KIAA0586: variants seen among roughly 807,000 people sequenced by gnomAD.
KIAA0586 encodes protein TALPID3.
Under a neutral mutation model 169.8 loss-of-function variants are expected in KIAA0586, and 144 were observed. The observed-to-expected ratio is 0.85, with a 90% CI of 0.74 to 0.97. The LOEUF (loss-of-function observed/expected upper bound fraction) is 0.97. Ranked by LOEUF, KIAA0586 falls within the 50% of genes least tolerant of loss-of-function variation. The pLI, the probability that KIAA0586 is intolerant of heterozygous loss-of-function variation, is 0.00. For synonymous variants in KIAA0586, 625 were observed against 612.4 expected (o/e 1.02, Z -0.30); for missense variants, 1,854 against 1,823.0 (o/e 1.02, Z -0.31).
chr14:58,540,114 G>A lies in KIAA0586; in HGVS notation c.4473G>A (p.Pro1491=), dbSNP rs768806838. Residue 1491 remains proline, a synonymous_variant, in exon 30 of 31, where the codon CCG becomes CCA. Coordinates refer to ENST00000652326, the MANE Select transcript of KIAA0586 (RefSeq NM_001329943.3). ...ATCGGACACAAATTGAGCTTAATCC[G>A]TACCTCACATGTGTATTTTCAGGTA... ...DMDRTQIELN[P]YLTCVFSGGK... 5.2e-5 allele frequency: 81 copies of A among 1,557,334 alleles called. No homozygotes were observed. The East Asian group carries it at 1.2e-3, about 22-fold the overall frequency.
chr14:58,484,896 A>ATATATT (rs1555391491), intron 21 of KIAA0586, among the ~76,000 whole-genome samples: 1 of 5,080 alleles, frequency 2.0e-4, no homozygotes, highest in Non-Finnish European at 3.7e-4. Context: ...ATATTTATAT[A>ATATATT]TATATATATA....
At chr14:58,468,549 A>G (rs543744799) in intron 16 of KIAA0586, among the ~76,000 whole-genome samples, 15 of 152,334 alleles carry the variant, frequency 9.8e-5, no homozygotes, top group African/African-American at 3.4e-4. Flanking sequence ...CAAACTTTAC[A>G]CTAACATATG....
intron 18 of KIAA0586, 114 bp downstream of exon 18, chr14:58,472,393 AC>A (rs1333492476): frequency 2.1e-6 from 1 of 481,598 alleles, no homozygotes; most frequent in African/African-American, 2.0e-5. Flanking sequence ...ACTTTCTTTT[AC>A]TTTTGAGTTA....
intron 22 of KIAA0586, 140 bp downstream of exon 22, chr14:58,487,306 T>A: frequency 1.3e-6 from 1 of 755,490 alleles, no homozygotes; most frequent in Non-Finnish European, 2.1e-6. Flanking sequence ...TGCGACTTCT[T>A]AAAAGTCTAT....
chr14:58,479,268 A>G (rs558934309), intron 20 of KIAA0586, among the ~76,000 whole-genome samples: 26 of 152,320 alleles, frequency 1.7e-4, no homozygotes, highest in Non-Finnish European at 2.8e-4. Context: ...TGAGTAGTAT[A>G]ATTATTAATG....
chr14:58,457,612 G>A, intron 10 of KIAA0586, 147 bp from the exon 11 acceptor site: 1 of 583,276 alleles, frequency 1.7e-6, no homozygotes, highest in East Asian at 2.9e-5. Context: ...TGATTGCCAA[G>A]TATTCTTTTG....
intron 14 of KIAA0586, among the ~76,000 whole-genome samples, chr14:58,461,933 A>G (rs2040356263): frequency 1.3e-5 from 2 of 152,168 alleles, no homozygotes; most frequent in African/African-American, 4.8e-5. Flanking sequence ...ACTTTTGGTT[A>G]TATACTGAGT....
chr14:58,525,799 A>C (rs2045544332), intron 29 of KIAA0586, among the ~76,000 whole-genome samples: 1 of 152,338 alleles, frequency 6.6e-6, no homozygotes, highest in South Asian at 2.1e-4. Context: ...CCAGCAAGGT[A>C]AAGATCCACT....
chr14:58,442,920 A>G (rs2038526490), intron 5 of KIAA0586, 40 bp downstream of exon 5: 1 of 1,428,616 alleles, frequency 7.0e-7, no homozygotes, highest in African/African-American at 1.4e-5. Context: ...TACTTTGTGA[A>G]ATATAGAAGT....
In KIAA0586 at chr14:58,458,568, AAATT is replaced by A. The variant is rs1458298115; in HGVS notation, c.1656+26_1656+29del. ...CAGGTATGTCTTGGAAAAAAACTGAAAATTAAGTGAATTCTCAGAAGATAATATT... is the reference window on the plus strand; with the variant it reads ...CAGGTATGTCTTGGAAAAAAACTGAAAAGTGAATTCTCAGAAGATAATATT... On this transcript the variant is annotated intron_variant, in intron 12 of 30. Transcript: ENST00000652326. 3.1e-6 allele frequency: 4 copies of A among 1,305,348 alleles called. No homozygotes were observed. The Admixed American group carries it at 6.7e-5, about 22-fold the overall frequency. The allele number at this position is 1,305,348 out of a possible 1,614,324, so 80.9% of individuals were successfully genotyped here.
chr14:58,461,394 G>A (rs951999636), intron 14 of KIAA0586, among the ~76,000 whole-genome samples: 1 of 151,938 alleles, frequency 6.6e-6, no homozygotes, highest in Non-Finnish European at 1.5e-5. Context: ...GGCATCTTCA[G>A]ATAAAGCATC....
chr14:58,517,497 A>G (rs190108290), intron 29 of KIAA0586, among the ~76,000 whole-genome samples: 20 of 152,338 alleles, frequency 1.3e-4, no homozygotes, highest in Admixed American at 3.3e-4. Context: ...ATATAGATCA[A>G]TTCTAATTCT....
chr14:58,560,762 C>T, the KIAA0586 span, among the ~76,000 whole-genome samples: 8 of 152,232 alleles, frequency 5.3e-5, no homozygotes, highest in Middle Eastern at 3.4e-3. Context: ...CCAGAGGTAC[C>T]GTTCTAAAGT....
At position 58,469,521 on chromosome 14, in the gene KIAA0586, C is replaced by T. The variant is rs149071107; in HGVS notation, c.2443-1092C>T. 1.1e-4 allele frequency among the ~76,000 whole-genome samples: 16 copies of T among 152,208 alleles called. 1 individual carries two copies. The highest frequency in any genetic ancestry group is 2.1e-4 in the Non-Finnish European group (14 of 67,996). ...ACAGCTCCCTGAGCCAAGTACAAAC[C>T]CGGTCAATGTGTATTGAACGAATGA... On this transcript the variant is annotated intron_variant, in intron 16 of 30. Transcript: ENST00000652326.
At chr14:58,461,242 T>G in intron 14 of KIAA0586, 82 bp downstream of exon 14, 1 of 968,496 alleles carries the variant, frequency 1.0e-6, no homozygotes, top group Admixed American at 3.6e-5. Context: ...TGCTTTTTAT[T>G]TATTGCTTAT....
chr14:58,445,866 T>C (rs2038853502), intron 6 of KIAA0586, among the ~76,000 whole-genome samples: 1 of 150,858 alleles, frequency 6.6e-6, no homozygotes, highest in African/African-American at 2.4e-5. Context: ...TTTTCTAATA[T>C]GAAATTTATT....
rs1053592750 is a variant in KIAA0586, at chr14:58,549,566, T to C, written c.*1634T>C. On this transcript the variant is annotated 3_prime_UTR_variant, in exon 31 of 31. Coordinates refer to ENST00000652326, the MANE Select transcript of KIAA0586 (RefSeq NM_001329943.3). ...TCTCAGGTATTTGGTTACTGGAATGTTTTAGGTTTCACTTTAGAACCCGTT... is the reference window on the plus strand; with the variant it reads ...TCTCAGGTATTTGGTTACTGGAATGCTTTAGGTTTCACTTTAGAACCCGTT... 9.9e-5 allele frequency: 15 copies of C among 152,184 alleles called. No homozygotes were observed. Among genetic ancestry groups the C allele is most frequent in the African/African-American group, 3.6e-4 (15 of 41,430 alleles). 9.4% of individuals were successfully genotyped at this position (152,184 alleles called of 1,614,324 possible). A position where few individuals can be genotyped will look rare whatever the true frequency, so the allele number is the denominator to read the frequency against.
Position 58,490,100 on chromosome 14 carries a change from G to C in KIAA0586, c.3782-64G>C, listed in dbSNP as rs1006598090. ...GAATCTAATATGCTATGGCTTTATGGTCAGATTATTTACTAAGTTTGTGTT... is the reference window on the plus strand; with the variant it reads ...GAATCTAATATGCTATGGCTTTATGCTCAGATTATTTACTAAGTTTGTGTT... On this transcript the variant is annotated intron_variant, in intron 24 of 30. Transcript: ENST00000652326. 8 of 769,736 alleles carry C rather than the reference G, an allele frequency of 1.0e-5. No individual in the cohort carries two copies. The African/African-American group carries it at 1.5e-4, about 14-fold the overall frequency. 47.7% of individuals were successfully genotyped at this position (769,736 alleles called of 1,614,324 possible).
chr14:58,551,678 A>C (rs35332690), downstream of KIAA0586, among the ~76,000 whole-genome samples: 1,603 of 152,236 alleles, frequency 0.011, 31 homozygotes, highest in African/African-American at 0.037. Flanking sequence ...AGACAGGAGA[A>C]TTGCTTGAAC....
Sources: allele counts gnomAD v4.1 joint callset (sites outside exome capture counted in the v4.1 genomes callset), GRCh38; gene constraint gnomAD v4.1.1; transcripts MANE v1.5; gene names NCBI Gene and HGNC (gene_info 2026-07-23, HGNC 2026-07-21).